Variants in SNX10 observed in about 807,000 individuals in gnomAD.
SNX10 encodes sorting nexin-10.
A neutral mutation model predicts 28.5 loss-of-function variants in SNX10; 25 were observed. The observed-to-expected ratio is 0.88, with a 90% CI of 0.64 to 1.22. The LOEUF (loss-of-function observed/expected upper bound fraction) is 1.22. Ranked by LOEUF, SNX10 falls within the 50% of genes most tolerant of loss-of-function variation. The pLI is 0.00. For missense variants in SNX10, 223 were observed against 242.6 expected (o/e 0.92, Z 0.54); for synonymous variants, 62 against 81.4 (o/e 0.76, Z 1.28).
chr7:26,304,071 G>C (rs750909333), intron 1 of SNX10, among the ~76,000 whole-genome samples: 1 of 152,160 alleles, frequency 6.6e-6, no homozygotes, highest in Admixed American at 6.5e-5. Context: ...AAGGAACATA[G>C]AATTGAGAAT....
chr7:26,320,311 A>AT (rs1395700329), intron 1 of SNX10, among the ~76,000 whole-genome samples: 4 of 151,828 alleles, frequency 2.6e-5, no homozygotes, highest in Admixed American at 1.3e-4. Context: ...AATAATATAT[A>AT]AAAAAAAGTT....
intron 1 of SNX10, among the ~76,000 whole-genome samples, chr7:26,294,742 C>T (rs1786046873): frequency 6.6e-6 from 1 of 152,102 alleles, no homozygotes; most frequent in South Asian, 2.1e-4. Flanking sequence ...TGTGGTAGGC[C>T]CTGTTACAAG....
At chr7:26,360,139 A>T (rs1234510101) in intron 2 of SNX10, among the ~76,000 whole-genome samples, 1 of 152,272 alleles carries the variant, frequency 6.6e-6, no homozygotes, top group Non-Finnish European at 1.5e-5. Flanking sequence ...ATGTAAAAGA[A>T]GGTGTTCCTC....
At chr7:26,359,578 T>C (rs1294888208) in intron 2 of SNX10, among the ~76,000 whole-genome samples, 1 of 152,250 alleles carries the variant, frequency 6.6e-6, no homozygotes, top group African/African-American at 2.4e-5. Flanking sequence ...TAAAAACTTA[T>C]GTGAAACATG....
At chr7:26,347,912 G>A (rs1788451559) in intron 2 of SNX10, among the ~76,000 whole-genome samples, 1 of 151,280 alleles carries the variant, frequency 6.6e-6, no homozygotes, top group East Asian at 2.0e-4. Flanking sequence ...TGCATAAAGT[G>A]TTCCAATCTT....
chr7:26,294,167 T>G (rs1195440737), intron 1 of SNX10, among the ~76,000 whole-genome samples: 1 of 152,236 alleles, frequency 6.6e-6, no homozygotes, highest in Non-Finnish European at 1.5e-5. Context: ...GTTGACTCTG[T>G]GGGGAATCCC....
chr7:26,292,332 G>A lies in SNX10; in HGVS notation c.-24+246G>A, dbSNP rs534161976. 3.9e-5 allele frequency among the ~76,000 whole-genome samples: 6 copies of A among 152,340 alleles called. No individual in the cohort carries two copies. In the South Asian group the frequency reaches 8.3e-4, roughly 21 times the overall value. On this transcript the variant is annotated intron_variant, in intron 1 of 6. Transcript: ENST00000338523. Reference sequence around the variant, plus strand: ...GGGAGATGGAGCGCGTCGATCCAGGGATTCTTGGCTAAAAAGACACCCCGG... The same window carrying A: ...GGGAGATGGAGCGCGTCGATCCAGGAATTCTTGGCTAAAAAGACACCCCGG...
intron 2 of SNX10, among the ~76,000 whole-genome samples, chr7:26,353,460 T>TTGTGGGG (rs1788689204): frequency 1.2e-5 from 1 of 83,432 alleles, no homozygotes; most frequent in Non-Finnish European, 2.4e-5. Context: ...TTTTTTTTTT[T>TTGTGGGG]GGTGGGGAGA....
intron 5 of SNX10, among the ~76,000 whole-genome samples, chr7:26,368,613 T>C (rs1789385392): frequency 6.6e-6 from 1 of 152,204 alleles, no homozygotes; most frequent in Admixed American, 6.5e-5. Context: ...GTTTAGACTT[T>C]AGTATCATGG....
At chr7:26,297,479 G>A (rs1562779591) in intron 1 of SNX10, among the ~76,000 whole-genome samples, 1 of 152,126 alleles carries the variant, frequency 6.6e-6, no homozygotes, top group Non-Finnish European at 1.5e-5. Flanking sequence ...AATATTGATA[G>A]ACCTAATTTC....
intron 1 of SNX10, among the ~76,000 whole-genome samples, chr7:26,312,981 T>G (rs1023750490): frequency 2.0e-5 from 3 of 152,228 alleles, no homozygotes; most frequent in Admixed American, 2.0e-4. Flanking sequence ...AATACGTTGC[T>G]TTGCCAATAT....
At chr7:26,311,357 C>T (rs1471339710) in intron 1 of SNX10, among the ~76,000 whole-genome samples, 10 of 152,100 alleles carry the variant, frequency 6.6e-5, no homozygotes, top group Non-Finnish European at 1.0e-4. Context: ...CACTGTATTG[C>T]CCAGGCTGGT....
intron 1 of SNX10, among the ~76,000 whole-genome samples, chr7:26,306,366 C>T (rs1786592587): frequency 6.6e-6 from 1 of 152,014 alleles, no homozygotes; most frequent in Admixed American, 6.6e-5. Flanking sequence ...ATATTCTGCT[C>T]CCTAAACATT....
intron 1 of SNX10, among the ~76,000 whole-genome samples, chr7:26,341,295 T>G (rs571713393): frequency 1.3e-5 from 2 of 152,202 alleles, no homozygotes; most frequent in South Asian, 4.1e-4. Context: ...AGACCCTGTC[T>G]CTAAAATGAA....
intron 1 of SNX10, among the ~76,000 whole-genome samples, chr7:26,323,206 C>T (rs180762419): frequency 5.3e-5 from 8 of 152,090 alleles, no homozygotes; most frequent in East Asian, 3.9e-4. Flanking sequence ...GCCAGGATCA[C>T]GCCACTGCAC....
intron 1 of SNX10, among the ~76,000 whole-genome samples, chr7:26,322,349 C>G (rs1054908025): frequency 1.3e-5 from 2 of 152,194 alleles, no homozygotes; most frequent in Non-Finnish European, 2.9e-5. Context: ...CAGATCTACT[C>G]TCTGCCATTT....
chr7:26,303,182 G>A (rs1786445311), intron 1 of SNX10, among the ~76,000 whole-genome samples: 1 of 152,194 alleles, frequency 6.6e-6, no homozygotes, highest in Admixed American at 6.5e-5. Flanking sequence ...CAGTATTCTT[G>A]CAAATTCATC....
intron 1 of SNX10, among the ~76,000 whole-genome samples, chr7:26,342,021 CTTCT>C (rs1411853724): frequency 5.7e-5 from 6 of 105,900 alleles, no homozygotes; most frequent in Admixed American, 1.1e-4. Flanking sequence ...TCTTTCCTTT[CTTCT>C]TTCTTTTTTT....
chr7:26,298,183 T>G lies in SNX10; in HGVS notation c.-24+6097T>G, dbSNP rs760417163. Among the ~76,000 whole-genome samples, 3 of 152,274 alleles carry G rather than the reference T, an allele frequency of 2.0e-5. No individual in the cohort carries two copies. In the Middle Eastern group the frequency reaches 0.01, roughly 518 times the overall value. On this transcript the variant is annotated intron_variant, in intron 1 of 6. Transcript: ENST00000338523. ...GTTGCATGAGCCGAGATCGTGCCAT[T>G]GCACTCCAGCTTGGGCAACAGAGCA...
Sources: allele counts gnomAD v4.1 joint callset (sites outside exome capture counted in the v4.1 genomes callset), GRCh38; gene constraint gnomAD v4.1.1; transcripts MANE v1.5; gene names NCBI Gene and HGNC (gene_info 2026-07-23, HGNC 2026-07-21).